ZNF235: variants seen among roughly 807,000 people sequenced by gnomAD.
ZNF235 encodes zfp-93.
ZNF235 carries 25 observed loss-of-function variants against 29.4 expected under a neutral mutation model. The observed-to-expected ratio is 0.85, with a 90% CI of 0.62 to 1.19. The LOEUF (loss-of-function observed/expected upper bound fraction) is 1.19. ZNF235 is among the 50% of genes most tolerant of loss of function. ZNF235 has a pLI of 0.00. For missense variants in ZNF235, 788 were observed against 885.0 expected (o/e 0.89, Z 1.39); for synonymous variants, 300 against 295.3 (o/e 1.02, Z -0.16).
intron 1 of ZNF235, chr19:44,304,736 T>C (rs1975805770): frequency 1.0e-6 from 1 of 985,464 alleles, no homozygotes; most frequent in Non-Finnish European, 1.2e-6. Context: ...CAGGACTGGC[T>C]GGTAGGTGCG....
intron 3 of ZNF235, 42 bp downstream of exon 3, chr19:44,299,564 G>A (rs773910963): frequency 1.2e-6 from 2 of 1,609,516 alleles, no homozygotes; most frequent in African/African-American, 1.3e-5. Context: ...TGGCATGGAG[G>A]TTGAGAAACC....
intron 2 of ZNF235, among the ~76,000 whole-genome samples, chr19:44,301,255 A>T (rs1423008311): frequency 6.6e-6 from 1 of 152,058 alleles, no homozygotes; most frequent in Non-Finnish European, 1.5e-5. Context: ...GGAAATTAAC[A>T]TTTTTTATCT....
At chr19:44,301,057 A>AT (rs549427624) in intron 2 of ZNF235, among the ~76,000 whole-genome samples, 1 of 151,900 alleles carries the variant, frequency 6.6e-6, no homozygotes, top group African/African-American at 2.4e-5. Flanking sequence ...CAGCTATTTA[A>AT]TTTTTTTAAA....
chr19:44,304,838 C>T (rs1352741458), intron 1 of ZNF235, 133 bp downstream of exon 1: 1 of 985,516 alleles, frequency 1.0e-6, no homozygotes, highest in Non-Finnish European at 1.2e-6. Flanking sequence ...ACGCAAACTC[C>T]CGCAGCCTCC....
chr19:44,294,567 GA>G (rs1460764578), intron 4 of ZNF235, among the ~76,000 whole-genome samples: 1 of 152,064 alleles, frequency 6.6e-6, no homozygotes, highest in African/African-American at 2.4e-5. Flanking sequence ...ACTCATTCTA[GA>G]AAGCCACTCT....
chr19:44,289,679 C>A (rs1205419962), intron 4 of ZNF235: 2 of 152,630 alleles, frequency 1.3e-5, no homozygotes, highest in African/African-American at 4.8e-5. Context: ...AACCAGCCAA[C>A]TGCAGAACAA....
At chr19:44,298,966 C>A in intron 3 of ZNF235, 63 bp from the exon 4 acceptor site, 1 of 1,263,510 alleles carries the variant, frequency 7.9e-7, no homozygotes. Flanking sequence ...AAATCTGGTT[C>A]CAATCACATG....
rs1370591199 is a variant in ZNF235, at chr19:44,298,827, G to A, written c.219C>T (p.Thr73=). The part of the protein sequence containing the change: ...EEKLWMKELQ[T]QRGKHSGDRN... ...ACTCACCTGAATGCTTACCTCTTTG[G>A]GTTTGAAGCTCCTTCATCCAAAGCT... Residue 73 remains threonine (T), a synonymous_variant, in exon 4 of 5, where the codon ACC becomes ACT. Coordinates refer to ENST00000291182, the MANE Select transcript of ZNF235 (RefSeq NM_004234.4). 6.2e-7 allele frequency: 1 copy of A among 1,613,580 alleles called. No individual in the cohort carries two copies. The highest frequency in any genetic ancestry group is 1.7e-5 in the Admixed American group (1 of 60,002).
In ZNF235 at chr19:44,286,419, T is replaced by C. The variant is rs1442387412; in HGVS notation, c.*799A>G. ...ACTTTTAACACTTTCAGAGTTACAG[T>C]ACAGCTTAGTGTCCAAAAATTCTAA... is the stretch of plus-strand genomic sequence containing the variant. On this transcript the variant is annotated 3_prime_UTR_variant, in exon 5 of 5. Transcript: ENST00000291182. 1.3e-5 allele frequency: 2 copies of C among 152,216 alleles called. No individual in the cohort carries two copies. Among genetic ancestry groups the C allele is most frequent in the African/African-American group, 4.8e-5 (2 of 41,458 alleles). 9.4% of individuals were successfully genotyped at this position (152,216 alleles called of 1,614,324 possible). A position where few individuals can be genotyped will look rare whatever the true frequency, so the allele number is the denominator to read the frequency against.
chr19:44,298,929 AAATGTT>A, intron 3 of ZNF235, 26 bp from the exon 4 acceptor site: 1 of 1,576,612 alleles, frequency 6.3e-7, no homozygotes, highest in Non-Finnish European at 8.7e-7. Flanking sequence ...ATTTAAGTGA[AAATGTT>A]AAAGGCAAAG....
rs1240517209 is a variant in ZNF235, at chr19:44,288,399, G to T, written c.1036C>A (p.Pro346Thr). The change falls in exon 5 of 5, where the codon CCC becomes ACC. Residue 346 changes from proline to threonine, a missense_variant. Pro to Thr is a conservative substitution (Grantham distance 38). Coordinates refer to ENST00000291182, the MANE Select transcript of ZNF235 (RefSeq NM_004234.4). The part of the protein sequence containing the change: ...THQRVHTGEK[P>T]YTCHECGKSF... ...TTACCACACTCGTGGCATGTATAGG[G>T]TTTCTCCCCTGTGTGGACTCTCTGA... 6.2e-7 allele frequency: 1 copy of T among 1,614,152 alleles called. No homozygotes were observed. The highest frequency in any genetic ancestry group is 1.1e-5 in the South Asian group (1 of 91,088).
In ZNF235 at chr19:44,287,882, T is replaced by A. The variant is rs758893141; in HGVS notation, c.1553A>T (p.Asn518Ile). ...CTGACTGAAGCCTTTCCCACACACG[T>A]TGCATCGAAATGGTTTCTCTCCTGT... ...VHTGEKPFRCNVCGKGFSQSS... is the reference protein window; with the variant it reads ...VHTGEKPFRCIVCGKGFSQSS... Residue 518 changes from asparagine to isoleucine, a missense_variant, in exon 5 of 5, where the codon AAC becomes ATC. Asn to Ile is a moderately radical substitution (Grantham distance 149, BLOSUM62 -3). Transcript: ENST00000291182. 28 of 1,613,898 alleles carry A rather than the reference T, an allele frequency of 1.7e-5. No homozygotes were observed. Among genetic ancestry groups the A allele is most frequent in the Non-Finnish European group, 2.3e-5 (27 of 1,180,004 alleles).
chr19:44,301,266 G>A (rs1041956838), intron 2 of ZNF235, among the ~76,000 whole-genome samples: 5 of 152,040 alleles, frequency 3.3e-5, no homozygotes, highest in Admixed American at 3.3e-4. Flanking sequence ...TTTTTTATCT[G>A]AAGACACTGC....
At chr19:44,290,110 G>A (rs1456838421) in intron 4 of ZNF235, 1 of 152,288 alleles carries the variant, frequency 6.6e-6, no homozygotes, top group Non-Finnish European at 1.5e-5. Context: ...GAAGCCAAAA[G>A]GAGGGAGCAC....
chr19:44,304,989 A>C lies in ZNF235; in HGVS notation c.-67T>G. ...GACTCACCTCCCTGGGAGATATCTCAGATCCGACCTCGCCTTCCTGGAGCG... is the reference window on the plus strand; with the variant it reads ...GACTCACCTCCCTGGGAGATATCTCCGATCCGACCTCGCCTTCCTGGAGCG... On this transcript the variant is annotated 5_prime_UTR_variant, in exon 1 of 5. Transcript: ENST00000291182. 2.8e-5 allele frequency: 27 copies of C among 967,346 alleles called. No individual in the cohort carries two copies. The highest frequency in any genetic ancestry group is 3.5e-5 in the African/African-American group (2 of 57,022). The allele number at this position is 967,346 out of a possible 1,614,324, so 59.9% of individuals were successfully genotyped here. A position where few individuals can be genotyped will look rare whatever the true frequency, so the allele number is the denominator to read the frequency against.
chr19:44,295,293 A>G (rs774248149), intron 4 of ZNF235, among the ~76,000 whole-genome samples: 37 of 152,208 alleles, frequency 2.4e-4, no homozygotes, highest in Non-Finnish European at 4.3e-4. Flanking sequence ...TCTATACGAC[A>G]ATAATGATCA....
intron 4 of ZNF235, chr19:44,291,039 A>G (rs1975578146): frequency 6.6e-6 from 1 of 152,234 alleles, no homozygotes; most frequent in African/African-American, 2.4e-5. Context: ...GCTTGAAGCA[A>G]TATTATCAAC....
chr19:44,303,551 GCAGA>G (rs914079145), intron 1 of ZNF235, 99 bp from the exon 2 acceptor site: 1 of 1,108,334 alleles, frequency 9.0e-7, no homozygotes, highest in African/African-American at 1.6e-5. Context: ...CTGTCTCTAG[GCAGA>G]CACAGTTGCA....
At position 44,300,122 on chromosome 19, in the gene ZNF235, C is replaced by A. The variant is rs146393791; in HGVS notation, c.16-390G>T. Among the ~76,000 whole-genome samples the A allele has an allele frequency of 3.8e-3, 575 of 152,290 alleles. 3 individuals carry two copies. Among genetic ancestry groups the A allele is most frequent in the African/African-American group, 0.013 (543 of 41,544 alleles). On this transcript the variant is annotated intron_variant, in intron 2 of 4. Coordinates refer to ENST00000291182, the MANE Select transcript of ZNF235 (RefSeq NM_004234.4). ...AACATGCTGTCTTGGTCAACTGCAG[C>A]AGCATTTAGGGTCAAGGTTAAGAGT... is the stretch of plus-strand genomic sequence containing the variant.
Sources: allele counts gnomAD v4.1 joint callset (sites outside exome capture counted in the v4.1 genomes callset), GRCh38; gene constraint gnomAD v4.1.1; transcripts MANE v1.5; gene names NCBI Gene and HGNC (gene_info 2026-07-23, HGNC 2026-07-21).